The following DNAH11 variants were observed in gnomAD, a reference collection of about 807,000 sequenced individuals.
DNAH11 encodes dynein axonemal heavy chain 11.
DNAH11 carries 442 observed loss-of-function variants against 526.0 expected under a neutral mutation model. The ratio of observed to expected loss-of-function variants is 0.84; its 90% confidence interval spans 0.78 to 0.91. The LOEUF (loss-of-function observed/expected upper bound fraction) is 0.91. Ranked by LOEUF, DNAH11 falls within the 40% of genes least tolerant of loss-of-function variation. The pLI, the probability that DNAH11 is intolerant of heterozygous loss-of-function variation, is 0.00. For missense variants in DNAH11, 6,989 were observed against 5,448.7 expected (o/e 1.28, Z -8.90); for synonymous variants, 2,461 against 1,935.9 (o/e 1.27, Z -7.12).
chr7:21,591,517 G>C lies in DNAH11; in HGVS notation c.2607G>C (p.Leu869Phe). ...AAFTLEDKGD[L>F]FTKKYKLIQG... ...TCACCTTGGAGGACAAGGGTGATTT[G>C]TTTACAAAAAAATACAAGTTAATCC... Residue 869 changes from leucine (L) to phenylalanine (F), a missense_variant, in exon 14 of 82, where the codon TTG (leucine) becomes TTC (phenylalanine). Coordinates refer to ENST00000409508, the MANE Select transcript of DNAH11 (RefSeq NM_001277115.2). 1.3e-6 allele frequency: 2 copies of C among 1,598,020 alleles called. No individual in the cohort carries two copies. Among genetic ancestry groups the C allele is most frequent in the African/African-American group, 1.3e-5 (1 of 74,504 alleles).
intron 75 of DNAH11, among the ~76,000 whole-genome samples, chr7:21,881,530 A>AATGAATGGTTCTTGCTT: frequency 6.6e-6 from 1 of 152,180 alleles, no homozygotes; most frequent in East Asian, 1.9e-4. Flanking sequence ...CAATGATTGG[A>AATGAATGGTTCTTGCTT]TTTCAAAAAG....
At chr7:21,716,493 A>G (rs1210586096) in intron 42 of DNAH11, among the ~76,000 whole-genome samples, 2 of 152,208 alleles carry the variant, frequency 1.3e-5, no homozygotes, top group Non-Finnish European at 2.9e-5. Context: ...CCAAGGTAAC[A>G]CATTTAAAAA....
At chr7:21,809,460 T>A (rs779631237) in intron 63 of DNAH11, among the ~76,000 whole-genome samples, 3 of 152,248 alleles carry the variant, frequency 2.0e-5, no homozygotes, top group Admixed American at 1.3e-4. Flanking sequence ...TGAAGCATTT[T>A]CCCAATTTTT....
At chr7:21,582,696 T>C (rs1784355772) in intron 9 of DNAH11, among the ~76,000 whole-genome samples, 1 of 152,100 alleles carries the variant, frequency 6.6e-6, no homozygotes, top group African/African-American at 2.4e-5. Context: ...ATGTAAAACT[T>C]GCTTGACAAA....
chr7:21,609,881 G>T (rs963971621), intron 20 of DNAH11, among the ~76,000 whole-genome samples: 2 of 152,210 alleles, frequency 1.3e-5, no homozygotes, highest in Admixed American at 1.3e-4. Context: ...TGGAGAGTGG[G>T]CTAGGGAAGG....
chr7:21,695,900 A>G (rs1353555396), intron 35 of DNAH11, among the ~76,000 whole-genome samples: 1 of 152,210 alleles, frequency 6.6e-6, no homozygotes, highest in Non-Finnish European at 1.5e-5. Flanking sequence ...AGGAAAAAAA[A>G]ACCCATCAAA....
chr7:21,757,459 C>A (rs2128495140), intron 54 of DNAH11, among the ~76,000 whole-genome samples: 1 of 152,164 alleles, frequency 6.6e-6, no homozygotes, highest in East Asian at 1.9e-4. Context: ...TGTTCTCTGA[C>A]TATGGATTTC....
chr7:21,799,999 A>G (rs1037412282), intron 61 of DNAH11, among the ~76,000 whole-genome samples: 1 of 152,198 alleles, frequency 6.6e-6, no homozygotes, highest in South Asian at 2.1e-4. Context: ...CTTTTTGTCT[A>G]TAAGTTATAT....
intron 64 of DNAH11, among the ~76,000 whole-genome samples, chr7:21,817,447 G>C (rs147940614): frequency 0.011 from 1,673 of 148,100 alleles, 12 homozygotes; most frequent in Non-Finnish European, 0.019. Context: ...TTAGGAGGCT[G>C]ATACAGGAGG....
intron 65 of DNAH11, among the ~76,000 whole-genome samples, chr7:21,837,673 C>T (rs954806148): frequency 6.6e-6 from 1 of 151,984 alleles, no homozygotes; most frequent in Admixed American, 6.6e-5. Flanking sequence ...ACACCATTAT[C>T]AAGATATAAT....
chr7:21,854,518 T>G, intron 68 of DNAH11, 63 bp downstream of exon 68: 1 of 1,463,728 alleles, frequency 6.8e-7, no homozygotes, highest in African/African-American at 1.4e-5. Context: ...TCTGGAACAT[T>G]GGAATTTATT....
intron 54 of DNAH11, among the ~76,000 whole-genome samples, chr7:21,757,090 C>A (rs528216519): frequency 6.6e-6 from 1 of 152,234 alleles, no homozygotes; most frequent in South Asian, 2.1e-4. Context: ...TGTATTTTAC[C>A]AACCAATTCA....
chr7:21,809,576 T>C (rs1387299645), intron 63 of DNAH11, among the ~76,000 whole-genome samples: 1 of 152,176 alleles, frequency 6.6e-6, no homozygotes, highest in Non-Finnish European at 1.5e-5. Flanking sequence ...ATATTTTGTT[T>C]TTTTGAGACG....
At chr7:21,578,075 C>T (rs1377923834) in intron 8 of DNAH11, among the ~76,000 whole-genome samples, 1 of 152,152 alleles carries the variant, frequency 6.6e-6, no homozygotes, top group East Asian at 1.9e-4. Flanking sequence ...AAGCAAGGAC[C>T]TTCTTCACAT....
chr7:21,739,718 T>C (rs780594291), intron 48 of DNAH11, 45 bp downstream of exon 48: 1 of 1,456,496 alleles, frequency 6.9e-7, no homozygotes, highest in Non-Finnish European at 9.5e-7. Flanking sequence ...GTCTGTATTG[T>C]ATTGTTTTCG....
chr7:21,673,306 G>A (rs1417337950), intron 30 of DNAH11, among the ~76,000 whole-genome samples: 1 of 152,148 alleles, frequency 6.6e-6, no homozygotes, highest in Non-Finnish European at 1.5e-5. Flanking sequence ...TCTCAGGCAG[G>A]TAATCTTATA....
At chr7:21,584,998 A>C (rs1784436577) in intron 9 of DNAH11, among the ~76,000 whole-genome samples, 1 of 146,242 alleles carries the variant, frequency 6.8e-6, no homozygotes, top group East Asian at 1.9e-4. Context: ...TGCCATTTTC[A>C]ATTCAAGTCT....
chr7:21,871,846 G>C (rs1783505732), intron 73 of DNAH11, among the ~76,000 whole-genome samples: 1 of 150,600 alleles, frequency 6.6e-6, no homozygotes, highest in Non-Finnish European at 1.5e-5. Context: ...TCATTGGCAG[G>C]ATGGGGTGGC....
intron 55 of DNAH11, among the ~76,000 whole-genome samples, chr7:21,770,929 T>A (rs1787411050): frequency 1.3e-5 from 2 of 152,306 alleles, no homozygotes; most frequent in African/African-American, 4.8e-5. Flanking sequence ...ATTTTATGCA[T>A]TGTAAGTTTT....
Sources: allele counts gnomAD v4.1 joint callset (sites outside exome capture counted in the v4.1 genomes callset), GRCh38; gene constraint gnomAD v4.1.1; transcripts MANE v1.5; gene names NCBI Gene and HGNC (gene_info 2026-07-23, HGNC 2026-07-21).